Variants in CDS1 observed in about 807,000 individuals in gnomAD.
The protein encoded by CDS1 is CDP-diacylglycerol synthase 1, also known as phosphatidate cytidylyltransferase 1.
Under a neutral mutation model 62.1 loss-of-function variants are expected in CDS1, and 41 were observed. That is an observed-to-expected ratio of 0.66 (90% CI 0.51 to 0.86). The LOEUF (loss-of-function observed/expected upper bound fraction) is 0.86. Among genes scored for constraint, CDS1 ranks in the 40% least tolerant of loss-of-function variants. CDS1 has a pLI of 0.00. For synonymous variants in CDS1, 185 were observed against 192.6 expected (o/e 0.96, Z 0.32); for missense variants, 470 against 550.1 (o/e 0.85, Z 1.46).
intron 1 of CDS1, among the ~76,000 whole-genome samples, chr4:84,596,215 CA>C (rs1391139411): frequency 1.3e-5 from 2 of 152,122 alleles, no homozygotes; most frequent in Non-Finnish European, 2.9e-5. Context: ...AAGAGTTGCA[CA>C]AAATGGGCTG....
chr4:84,598,126 CAA>C (rs879924741), intron 1 of CDS1, among the ~76,000 whole-genome samples: 42 of 82,896 alleles, frequency 5.1e-4, no homozygotes, highest in Admixed American at 9.9e-4. Context: ...ACTCCATCTC[CAA>C]AAAAAAAAAA....
chr4:84,635,621 G>GCCTT (rs1560481546), intron 8 of CDS1, among the ~76,000 whole-genome samples: 233 of 84,308 alleles, frequency 2.8e-3, no homozygotes, highest in Non-Finnish European at 3.3e-3. Flanking sequence ...CTGCCTGCCT[G>GCCTT]CCTGCCTTCC....
At chr4:84,606,049 C>T (rs558210944) in intron 2 of CDS1, among the ~76,000 whole-genome samples, 96 of 152,066 alleles carry the variant, frequency 6.3e-4, no homozygotes, top group Non-Finnish European at 1.1e-3. Flanking sequence ...TCAATCTTCT[C>T]GAGAAACTTT....
intron 1 of CDS1, among the ~76,000 whole-genome samples, 175 bp from the exon 2 acceptor site, chr4:84,604,068 C>T (rs184428683): frequency 1.3e-5 from 2 of 152,106 alleles, no homozygotes; most frequent in African/African-American, 4.8e-5. Context: ...CGAAGATAGT[C>T]AAACTTTCCT....
chr4:84,604,199 T>G, intron 1 of CDS1, 44 bp from the exon 2 acceptor site: 1 of 1,580,054 alleles, frequency 6.3e-7, no homozygotes, highest in Non-Finnish European at 8.6e-7. Flanking sequence ...GCCTGTGCTT[T>G]TTTAAACGTG....
rs148668799 is a variant in CDS1, at chr4:84,604,178, T to C, written c.118-65T>C. 5.2e-3 allele frequency: 7,131 copies of C among 1,368,670 alleles called. 37 individuals carry two copies. Among genetic ancestry groups the C allele is most frequent in the Non-Finnish European group, 6.5e-3 (6,447 of 984,836 alleles). 84.8% of individuals were successfully genotyped at this position (1,368,670 alleles called of 1,614,324 possible). A position where few individuals can be genotyped will look rare whatever the true frequency, so the allele number is the denominator to read the frequency against. On this transcript the variant is annotated intron_variant, in intron 1 of 12. Coordinates refer to ENST00000295887, the MANE Select transcript of CDS1 (RefSeq NM_001263.4). ...TTTGACACACTGAGCAATAAATGAATGTATTGGCCAGCCTGTGCTTTTTTA... is the reference window on the plus strand; with the variant it reads ...TTTGACACACTGAGCAATAAATGAACGTATTGGCCAGCCTGTGCTTTTTTA...
At position 84,648,841 on chromosome 4, in the gene CDS1, C is replaced by T. The variant is rs147423192; in HGVS notation, c.*155C>T. On this transcript the variant is annotated 3_prime_UTR_variant, in exon 13 of 13. Coordinates refer to ENST00000295887, the MANE Select transcript of CDS1 (RefSeq NM_001263.4). ...GAAATTACTGTGAATATTTAACAAA[C>T]ACTTACTTGATCTATGTTATGAAAT... The T allele has an allele frequency of 6.7e-4, 456 of 680,040 alleles. 4 individuals carry two copies. In the East Asian group the frequency reaches 0.012, roughly 18 times the overall value. 42.1% of individuals were successfully genotyped at this position (680,040 alleles called of 1,614,324 possible). A position where few individuals can be genotyped will look rare whatever the true frequency, so the allele number is the denominator to read the frequency against.
chr4:84,631,860 C>T lies in CDS1; in HGVS notation c.622C>T (p.Arg208Cys), dbSNP rs944347252. The change falls in exon 6 of 13, where the codon CGT (arginine) becomes TGT (cysteine). Residue 208 changes from arginine (R) to cysteine (C), a missense_variant. By Grantham distance (180) the Arg-to-Cys change is radical. This residue lies in a region of CDS1 where 214 missense variants were observed against 242.4 expected (regional missense o/e 0.88). Coordinates refer to ENST00000295887, the MANE Select transcript of CDS1 (RefSeq NM_001263.4). ...FVLSLVKKHY[R>C]LQFYMFAWTH... ...ACTGAGTTTGGTGAAGAAACATTATCGTCTGCAGTTTTATATGGTGTGTAT... is the reference window on the plus strand; with the variant it reads ...ACTGAGTTTGGTGAAGAAACATTATTGTCTGCAGTTTTATATGGTGTGTAT... The T allele has an allele frequency of 1.2e-6, 2 of 1,610,286 alleles. No individual in the cohort carries two copies. The highest frequency in any genetic ancestry group is 1.7e-6 in the Non-Finnish European group (2 of 1,176,854).
At chr4:84,623,215 TC>T (rs1253721167) in intron 5 of CDS1, among the ~76,000 whole-genome samples, 1 of 152,216 alleles carries the variant, frequency 6.6e-6, no homozygotes, top group African/African-American at 2.4e-5. Flanking sequence ...ATCCCAGTCT[TC>T]CATCTCTTAG....
In CDS1 at chr4:84,635,263, G is replaced by A; in HGVS notation, c.723-1G>A. 1 of 1,481,542 alleles carries A rather than the reference G, an allele frequency of 6.7e-7. No homozygotes were observed. The highest frequency in any genetic ancestry group is 1.2e-5 in the South Asian group (1 of 81,888). The allele number at this position is 1,481,542 out of a possible 1,614,324, so 91.8% of individuals were successfully genotyped here. A position where few individuals can be genotyped will look rare whatever the true frequency, so the allele number is the denominator to read the frequency against. On this transcript the variant is annotated splice_acceptor_variant, in intron 7 of 12. Coordinates refer to ENST00000295887, the MANE Select transcript of CDS1 (RefSeq NM_001263.4). LOFTEE classifies it high-confidence loss of function. ...ACTTTTTTTTTTTTTTTTAAAAACA[G>A]GTTCCTTGTTCCAATATCAAGTGTT...
chr4:84,612,988 CAAAAA>C (rs779175772), intron 3 of CDS1, among the ~76,000 whole-genome samples: 4 of 60,628 alleles, frequency 6.6e-5, no homozygotes, highest in African/African-American at 6.3e-5. Flanking sequence ...GATCCTGTCT[CAAAAA>C]AAAAAAAAAA....
intron 2 of CDS1, among the ~76,000 whole-genome samples, chr4:84,607,507 G>A (rs1351341038): frequency 6.6e-6 from 1 of 151,168 alleles, no homozygotes; most frequent in Non-Finnish European, 1.5e-5. Context: ...ATGTTTTGTA[G>A]AGCTGGGTTT....
chr4:84,634,137 T>TTGAA (rs1724107249), intron 7 of CDS1, among the ~76,000 whole-genome samples, 198 bp downstream of exon 7: 1 of 152,212 alleles, frequency 6.6e-6, no homozygotes, highest in Non-Finnish European at 1.5e-5. Flanking sequence ...GATACCATTC[T>TTGAA]TATTCAAGTT....
At chr4:84,620,153 T>C (rs913157687) in intron 5 of CDS1, among the ~76,000 whole-genome samples, 1 of 151,540 alleles carries the variant, frequency 6.6e-6, no homozygotes, top group Non-Finnish European at 1.5e-5. Flanking sequence ...CTTTCACATA[T>C]ATATTGCTTT....
At chr4:84,635,690 CCCTCCT>C in intron 8 of CDS1, among the ~76,000 whole-genome samples, 2 of 126,860 alleles carry the variant, frequency 1.6e-5, no homozygotes, top group African/African-American at 6.5e-5. Flanking sequence ...TTCCTTCCTT[CCCTCCT>C]TCCCTCCCTC....
intron 3 of CDS1, among the ~76,000 whole-genome samples, chr4:84,612,981 C>CACACCACGGCA (rs1723371486): frequency 7.1e-6 from 1 of 141,772 alleles, no homozygotes; most frequent in Non-Finnish European, 1.5e-5. Flanking sequence ...AGAGTGAGAT[C>CACACCACGGCA]CTGTCTCAAA....
chr4:84,585,966 C>G (rs573547159), intron 1 of CDS1, among the ~76,000 whole-genome samples: 8 of 152,246 alleles, frequency 5.3e-5, no homozygotes, highest in Admixed American at 3.3e-4. Flanking sequence ...AGGAAAAGCT[C>G]TAAACAGTGG....
chr4:84,634,120 A>G (rs1342387689), intron 7 of CDS1, among the ~76,000 whole-genome samples, 181 bp downstream of exon 7: 6 of 152,176 alleles, frequency 3.9e-5, no homozygotes, highest in Non-Finnish European at 5.9e-5. Flanking sequence ...TGCTTCATTA[A>G]CAACTGGATA....
chr4:84,583,559 G>T, intron 1 of CDS1, 41 bp downstream of exon 1: 1 of 1,263,214 alleles, frequency 7.9e-7, no homozygotes, highest in South Asian at 1.5e-5. Context: ...GCCCTGGCTG[G>T]GTCCTGGTTG....
Sources: gnomAD v4.1 joint callset for allele counts (sites outside exome capture counted in the v4.1 genomes callset) on GRCh38, gnomAD v4.1.1 for gene constraint, gnomAD v4.1.1 regional missense constraint, MANE v1.5 for transcripts, NCBI Gene and HGNC (gene_info 2026-07-23, HGNC 2026-07-21) for gene names.